Variants in MFN2 observed in about 807,000 individuals in gnomAD.
The protein encoded by MFN2 is mitofusin 2, also known as mitofusin-2.
MFN2 carries 43 observed loss-of-function variants against 87.5 expected under a neutral mutation model. That is an observed-to-expected ratio of 0.49 (90% CI 0.38 to 0.63). The LOEUF is 0.63. MFN2 is among the 30% of genes least tolerant of loss of function. The pLI is 0.00. For missense variants in MFN2, 743 were observed against 972.8 expected (o/e 0.76, Z 3.14); for synonymous variants, 337 against 359.9 (o/e 0.94, Z 0.72).
chr1:11,993,842 T>C (rs1283990104), intron 4 of MFN2, among the ~76,000 whole-genome samples: 2 of 152,222 alleles, frequency 1.3e-5, no homozygotes, highest in African/African-American at 4.8e-5. Flanking sequence ...ATCTTTACTT[T>C]TACATTTGTT....
At position 11,986,590 on chromosome 1, in the gene MFN2, T is replaced by A. The variant is rs375666104; in HGVS notation, c.-4-2575T>A. Among the ~76,000 whole-genome samples, 18 of 148,788 alleles carry A rather than the reference T, an allele frequency of 1.2e-4. No homozygotes were observed. The East Asian group carries it at 2.9e-3, about 24-fold the overall frequency. On this transcript the variant is annotated intron_variant, in intron 2 of 18. Transcript: ENST00000235329. ...TTCTGGTGTGTACGCCTCTTTTTGA[T>A]CTTTTTTTTTTTTTTTTTGAGATGG...
intron 15 of MFN2, 128 bp from the exon 16 acceptor site, chr1:12,006,410 C>A: frequency 7.9e-7 from 1 of 1,264,474 alleles, no homozygotes; most frequent in Non-Finnish European, 1.1e-6. Flanking sequence ...TAGTTGTCCC[C>A]TTTTTGCCTT....
At chr1:11,990,213 T>A (rs562734409) in intron 3 of MFN2, among the ~76,000 whole-genome samples, 1 of 152,354 alleles carries the variant, frequency 6.6e-6, no homozygotes, top group South Asian at 2.1e-4. Flanking sequence ...TTGTTTTACA[T>A]GCCAGGCTGC....
At chr1:11,991,322 G>T (rs896658455) in intron 3 of MFN2, among the ~76,000 whole-genome samples, 1 of 152,206 alleles carries the variant, frequency 6.6e-6, no homozygotes, top group African/African-American at 2.4e-5. Flanking sequence ...AGCTGAGATG[G>T]GAGAAGTGCA....
chr1:11,986,577 C>T (rs933740809), intron 2 of MFN2, among the ~76,000 whole-genome samples: 32 of 151,312 alleles, frequency 2.1e-4, no homozygotes, highest in African/African-American at 7.0e-4. Flanking sequence ...CTGGTGTGTA[C>T]GCCTCTTTTT....
intron 17 of MFN2, 147 bp downstream of exon 17, chr1:12,007,396 C>T (rs1639473034): frequency 1.9e-6 from 2 of 1,029,718 alleles, no homozygotes; most frequent in African/African-American, 1.6e-5. Flanking sequence ...GCAGGGCCAG[C>T]TTTGAGGCCA....
intron 2 of MFN2, among the ~76,000 whole-genome samples, chr1:11,987,063 A>G (rs2100795964): frequency 6.6e-6 from 1 of 152,328 alleles, no homozygotes; most frequent in South Asian, 2.1e-4. Context: ...TATTCCCAGC[A>G]CTTCGGGAGG....
chr1:11,981,273 G>A (rs1348592249), intron 1 of MFN2, among the ~76,000 whole-genome samples: 3 of 152,228 alleles, frequency 2.0e-5, no homozygotes, highest in African/African-American at 7.2e-5. Flanking sequence ...GGGAGGCTGA[G>A]GCGGGCGGAT....
chr1:12,007,762 TTTTC>T (rs1000818434), intron 17 of MFN2, among the ~76,000 whole-genome samples: 8 of 152,070 alleles, frequency 5.3e-5, no homozygotes, highest in South Asian at 2.1e-4. Context: ...GCCATCTCCT[TTTTC>T]TTTCTTTCTT....
At position 12,001,475 on chromosome 1, in the gene MFN2, C is replaced by A. The variant is rs11554508; in HGVS notation, c.891C>A (p.Ala297=). Reference sequence around the variant, plus strand: ...TGGGCGTGGTGGATCGATCCCAGGCCGGGGACCGCATCTTCTTTGTGTCTG... The same window carrying A: ...TGGGCGTGGTGGATCGATCCCAGGCAGGGGACCGCATCTTCTTTGTGTCTG... ...DELGVVDRSQ[A]GDRIFFVSAK... is the part of the protein sequence containing the mutation. The change falls in exon 9 of 19, where the codon GCC becomes GCA. Residue 297 remains alanine (A), a synonymous_variant. Transcript: ENST00000235329. The A allele has an allele frequency of 6.2e-7, 1 of 1,614,066 alleles. No individual in the cohort carries two copies. Among genetic ancestry groups the A allele is most frequent in the South Asian group, 1.1e-5 (1 of 91,050 alleles).
In MFN2 at chr1:12,001,917, A is replaced by G. The variant is rs1273835562; in HGVS notation, c.1039-65A>G. ...CTGTGTCCCTGGCAGTGAAAACCAGAGTCTGGCCCTTGGTTGTAGGCCCCT... is the reference window on the plus strand; with the variant it reads ...CTGTGTCCCTGGCAGTGAAAACCAGGGTCTGGCCCTTGGTTGTAGGCCCCT... On this transcript the variant is annotated intron_variant, in intron 10 of 18. Coordinates refer to ENST00000235329, the MANE Select transcript of MFN2 (RefSeq NM_014874.4). 7 of 1,613,938 alleles carry G rather than the reference A, an allele frequency of 4.3e-6. No individual in the cohort carries two copies. In the African/African-American group the frequency reaches 6.7e-5, roughly 15 times the overall value.
chr1:12,005,992 A>G, intron 15 of MFN2, 61 bp downstream of exon 15: 1 of 1,520,560 alleles, frequency 6.6e-7, no homozygotes. Flanking sequence ...CTGCCTCCAG[A>G]CACGGGAACC....
In MFN2 at chr1:12,004,273, C is replaced by T. The variant is rs547071866; in HGVS notation, c.1287+155C>T. On this transcript the variant is annotated intron_variant, in intron 12 of 18. Transcript: ENST00000235329. This position sits in a 1 kb window ranked among gnomAD's most constrained non-coding sequence, Gnocchi z 4.2. ...AGAGCTGCCGTTTGGGTTCCATTGT[C>T]GGGTTGTGTGATGCTGGGCATGTTC... is the stretch of plus-strand genomic sequence containing the variant. 1.4e-4 allele frequency among the ~76,000 whole-genome samples: 21 copies of T among 152,220 alleles called. No individual in the cohort carries two copies. Among genetic ancestry groups the T allele is most frequent in the African/African-American group, 2.4e-4 (10 of 41,528 alleles).
Position 12,011,540 on chromosome 1 carries a change from A to G in MFN2, c.2249A>G (p.His750Arg), listed in dbSNP as rs1569890311. Residue 750 changes from histidine to arginine, a missense_variant, in exon 19 of 19, where the codon CAC becomes CGC. By Grantham distance (29) the His-to-Arg change is conservative. Coordinates refer to ENST00000235329, the MANE Select transcript of MFN2 (RefSeq NM_014874.4). ...WLDSELNMFT[H>R]QYLQPSR ...GACAGTGAGCTCAACATGTTCACAC[A>G]CCAGTACCTGCAGCCCAGCAGATAG... 3 of 1,614,154 alleles carry G rather than the reference A, an allele frequency of 1.9e-6. No individual in the cohort carries two copies. Among genetic ancestry groups the G allele is most frequent in the Non-Finnish European group, 1.7e-6 (2 of 1,180,036 alleles).
Position 12,004,423 on chromosome 1 carries a change from T to A in MFN2, c.1288-86T>A. ...GGCTGCTGGTTTGAGAGGAAGGATG[T>A]GCCATCTGCTAGGATCTCTCCTGGT... is the stretch of plus-strand genomic sequence containing the variant. On this transcript the variant is annotated intron_variant, in intron 12 of 18. Coordinates refer to ENST00000235329, the MANE Select transcript of MFN2 (RefSeq NM_014874.4). This position sits in a 1 kb window ranked among gnomAD's most constrained non-coding sequence, Gnocchi z 4.2. The A allele has an allele frequency of 8.5e-7, 1 of 1,171,058 alleles. No homozygotes were observed. Among genetic ancestry groups the A allele is most frequent in the Non-Finnish European group, 1.3e-6 (1 of 776,756 alleles). 72.5% of individuals were successfully genotyped at this position (1,171,058 alleles called of 1,614,324 possible).
At chr1:11,991,564 G>C (rs1405321467) in intron 3 of MFN2, among the ~76,000 whole-genome samples, 1 of 152,176 alleles carries the variant, frequency 6.6e-6, no homozygotes, top group African/African-American at 2.4e-5. Flanking sequence ...TTGGGGATAT[G>C]GTGAGGGAGA....
At chr1:12,006,824 T>C (rs1639444145) in intron 16 of MFN2, 131 bp downstream of exon 16, 1 of 1,402,226 alleles carries the variant, frequency 7.1e-7, no homozygotes, top group Admixed American at 1.8e-5. Context: ...TCCTCTGTGA[T>C]TGCATGGGGA....
intron 18 of MFN2, among the ~76,000 whole-genome samples, chr1:12,010,525 C>G (rs987308142): frequency 1.3e-5 from 2 of 152,126 alleles, no homozygotes; most frequent in Admixed American, 6.6e-5. Context: ...GGCATAGCCC[C>G]CCATTTACCC....
chr1:11,982,892 G>C (rs1236853001), intron 2 of MFN2, among the ~76,000 whole-genome samples: 3 of 152,106 alleles, frequency 2.0e-5, no homozygotes, highest in Non-Finnish European at 4.4e-5. Flanking sequence ...GATTTTAAAA[G>C]CTATTACACA....
Sources: gnomAD v4.1 joint callset for allele counts (sites outside exome capture counted in the v4.1 genomes callset) on GRCh38, gnomAD v4.1.1 for gene constraint, Gnocchi (gnomAD v3.1) non-coding constraint, MANE v1.5 for transcripts, NCBI Gene and HGNC (gene_info 2026-07-23, HGNC 2026-07-21) for gene names.